Variants in RIPOR2 observed in about 807,000 individuals in gnomAD.
RIPOR2 encodes the protein RHO family interacting cell polarization regulator 2.
In RIPOR2, 39 loss-of-function variants were observed where a neutral mutation model predicts 114.5. The ratio of observed to expected loss-of-function variants is 0.34; its 90% CI spans 0.26 to 0.44. The LOEUF is 0.44. Among genes scored for constraint, RIPOR2 ranks in the 20% least tolerant of loss-of-function variants. The probability of loss-of-function intolerance (pLI) is 1.00; values close to 1 mark genes in which losing one functional copy is unlikely to be tolerated. For missense variants in RIPOR2, 1,007 were observed against 1,255.1 expected, an observed-to-expected ratio of 0.80 and a Z score of 2.99; for synonymous variants, 445 against 484.4, an observed-to-expected ratio of 0.92 and a Z score of 1.07.
chr6:24,870,592 G>T (rs1342866241), intron 5 of RIPOR2, among the ~76,000 whole-genome samples: 1 of 152,048 alleles, frequency 6.6e-6, no homozygotes, highest in Admixed American at 6.6e-5. Context: ...CTGCTGCCTC[G>T]ACCTCCTGGC....
intron 1 of RIPOR2, among the ~76,000 whole-genome samples, chr6:24,918,237 G>A (rs1272887000): frequency 6.6e-6 from 1 of 151,886 alleles, no homozygotes. Flanking sequence ...TTGTAAATAA[G>A]CTTCCTTGAA....
At chr6:24,898,368 G>A (rs1403142020) in intron 1 of RIPOR2, 1 of 152,182 alleles carries the variant, frequency 6.6e-6, no homozygotes, top group Non-Finnish European at 1.5e-5. Context: ...GTGAGGGGGT[G>A]TGGGGCAAGG....
chr6:24,940,309 G>T (rs1192538663), upstream of RIPOR2, among the ~76,000 whole-genome samples: 2 of 152,158 alleles, frequency 1.3e-5, no homozygotes, highest in Non-Finnish European at 2.9e-5. Flanking sequence ...TCCAACAGAA[G>T]AGCCTCACAA....
chr6:24,959,551 C>G (rs1416705158), intron 1 of RIPOR2, among the ~76,000 whole-genome samples: 1 of 152,162 alleles, frequency 6.6e-6, no homozygotes, highest in Non-Finnish European at 1.5e-5. Context: ...TGGGTAAAGA[C>G]AGCTGCAGGC....
intron 7 of RIPOR2, among the ~76,000 whole-genome samples, chr6:24,861,379 T>C (rs971643064): frequency 2.0e-5 from 3 of 152,184 alleles, no homozygotes; most frequent in African/African-American, 7.2e-5. Context: ...TAGACAAACA[T>C]AATCACCAAA....
chr6:24,809,945 A>G, intron 20 of RIPOR2, 138 bp from the exon 21 acceptor site: 1 of 637,140 alleles, frequency 1.6e-6, no homozygotes, highest in Non-Finnish European at 2.8e-6. Context: ...ATCATAGCTC[A>G]CTGCAGCCTT....
intron 1 of RIPOR2, among the ~76,000 whole-genome samples, chr6:24,967,464 G>A (rs186614926): frequency 5.3e-5 from 8 of 152,250 alleles, no homozygotes; most frequent in East Asian, 1.9e-4. Context: ...TCTTCATTTC[G>A]TTGATGAGGA....
intron 1 of RIPOR2, among the ~76,000 whole-genome samples, chr6:25,027,408 G>C (rs1484285806): frequency 6.6e-6 from 1 of 152,214 alleles, no homozygotes; most frequent in Non-Finnish European, 1.5e-5. Flanking sequence ...AAGTCTACGA[G>C]CTGGCCTCTG....
At chr6:24,931,688 G>A (rs1771403105) in intron 1 of RIPOR2, among the ~76,000 whole-genome samples, 1 of 152,178 alleles carries the variant, frequency 6.6e-6, no homozygotes, top group South Asian at 2.1e-4. Flanking sequence ...AGGCATGTAA[G>A]TGTCCAGGAA....
chr6:24,922,221 T>C (rs1037228216), intron 1 of RIPOR2, among the ~76,000 whole-genome samples: 3 of 152,218 alleles, frequency 2.0e-5, no homozygotes, highest in Non-Finnish European at 4.4e-5. Flanking sequence ...CTTCTAATTA[T>C]GCTATTCATC....
At chr6:24,987,853 T>C (rs532619579) in intron 1 of RIPOR2, among the ~76,000 whole-genome samples, 24 of 152,340 alleles carry the variant, frequency 1.6e-4, no homozygotes, top group Middle Eastern at 3.4e-3. Flanking sequence ...TCCAAACTGA[T>C]AATGCCGATA....
chr6:24,853,283 T>A (rs993541435), intron 8 of RIPOR2, among the ~76,000 whole-genome samples: 2 of 152,240 alleles, frequency 1.3e-5, no homozygotes, highest in African/African-American at 4.8e-5. Flanking sequence ...GCAAGTCATG[T>A]CTAACTGGAT....
At chr6:24,833,686 A>T (rs1280321216) in intron 15 of RIPOR2, among the ~76,000 whole-genome samples, 1 of 152,206 alleles carries the variant, frequency 6.6e-6, no homozygotes, top group Non-Finnish European at 1.5e-5. Context: ...TATAACTAAT[A>T]AGTAAGCTCA....
intron 15 of RIPOR2, 33 bp downstream of exon 15, chr6:24,835,670 G>A: frequency 1.3e-6 from 2 of 1,542,422 alleles, no homozygotes; most frequent in South Asian, 2.4e-5. Flanking sequence ...AAATCACCTG[G>A]CATCTCAAAC....
chr6:24,898,742 G>A (rs1768122463), intron 1 of RIPOR2, among the ~76,000 whole-genome samples: 3 of 152,124 alleles, frequency 2.0e-5, no homozygotes, highest in Non-Finnish European at 4.4e-5. Flanking sequence ...GCTGTATTTT[G>A]TATGCCCATC....
intron 14 of RIPOR2, among the ~76,000 whole-genome samples, chr6:24,838,495 T>G (rs1174790768): frequency 1.3e-5 from 2 of 152,092 alleles, no homozygotes; most frequent in Admixed American, 1.3e-4. Flanking sequence ...CTGAACCCTA[T>G]AAGACACATG....
chr6:24,970,951 G>A (rs1773764416), intron 1 of RIPOR2, among the ~76,000 whole-genome samples: 2 of 152,138 alleles, frequency 1.3e-5, no homozygotes, highest in Admixed American at 6.5e-5. Flanking sequence ...GATGACAACA[G>A]TACTCACCTC....
At chr6:24,915,283 G>A (rs1299078499) in intron 1 of RIPOR2, among the ~76,000 whole-genome samples, 1 of 151,632 alleles carries the variant, frequency 6.6e-6, no homozygotes, top group Non-Finnish European at 1.5e-5. Context: ...TAATCTTTTG[G>A]CCTCCACATT....
chr6:25,015,048 AG>A (rs1561844040), intron 1 of RIPOR2: 1 of 152,256 alleles, frequency 6.6e-6, no homozygotes, highest in Non-Finnish European at 1.5e-5. Flanking sequence ...TCTGGTAGCC[AG>A]CAAGATTTTT....
Sources: allele counts gnomAD v4.1 joint callset (sites outside exome capture counted in the v4.1 genomes callset), GRCh38; gene constraint gnomAD v4.1.1; transcripts MANE v1.5; gene names NCBI Gene and HGNC (gene_info 2026-07-23, HGNC 2026-07-21).